KIAA1217: variants seen among roughly 807,000 people sequenced by gnomAD.
KIAA1217 encodes the protein sickle tail protein homolog.
Under a neutral mutation model 163.9 loss-of-function variants are expected in KIAA1217, and 88 were observed. The ratio of observed to expected loss-of-function variants is 0.54; its 90% CI spans 0.45 to 0.64. The LOEUF (loss-of-function observed/expected upper bound fraction) is 0.64, where lower values mean the gene tolerates loss of function less well. Among genes scored for constraint, KIAA1217 ranks in the 30% least tolerant of loss-of-function variants. The pLI is 0.00. For missense variants in KIAA1217, 2,372 were observed against 2,475.0 expected, an observed-to-expected ratio of 0.96 and a Z score of 0.88; for synonymous variants, 903 against 923.1, an observed-to-expected ratio of 0.98 and a Z score of 0.39.
chr10:24,150,774 TG>T (rs2064573614), intron 2 of KIAA1217, among the ~76,000 whole-genome samples: 1 of 152,176 alleles, frequency 6.6e-6, no homozygotes, highest in Non-Finnish European at 1.5e-5. Flanking sequence ...AGCTTCTGTG[TG>T]GCTTCCTTCT....
rs547255169 is a variant in KIAA1217, at chr10:23,734,295, T to G, written c.-321+39061T>G. Reference sequence around the variant, plus strand: ...AATTTAGATTTAAACCTTTTTTTTTTTTTTTAAATAAGACAGAGTCTCACT... The same window carrying G: ...AATTTAGATTTAAACCTTTTTTTTTGTTTTTAAATAAGACAGAGTCTCACT... On this transcript the variant is annotated intron_variant, in intron 1 of 18. Coordinates refer to the KIAA1217 transcript ENST00000376462. 4.3e-4 allele frequency among the ~76,000 whole-genome samples: 65 copies of G among 152,094 alleles called. 1 individual carries two copies. Among genetic ancestry groups the G allele is most frequent in the Non-Finnish European group, 4.4e-5 (3 of 67,988 alleles).
At chr10:24,266,830 G>A (rs1237999054) in intron 2 of KIAA1217, among the ~76,000 whole-genome samples, 9 of 152,150 alleles carry the variant, frequency 5.9e-5, no homozygotes, top group East Asian at 1.9e-4. Flanking sequence ...CAACCCGCTC[G>A]GTCCCCTTCC....
chr10:24,011,030 G>C (rs879677696), intron 2 of KIAA1217, among the ~76,000 whole-genome samples: 1 of 152,130 alleles, frequency 6.6e-6, no homozygotes, highest in Non-Finnish European at 1.5e-5. Context: ...ATAAACTTCA[G>C]TCTGCAGTTG....
intron 2 of KIAA1217, among the ~76,000 whole-genome samples, chr10:24,227,628 G>A (rs899981055): frequency 1.1e-4 from 17 of 151,552 alleles, no homozygotes; most frequent in Non-Finnish European, 2.2e-4. Context: ...TGCCTCCTGG[G>A]TTCAGGCCAT....
chr10:23,769,930 A>G (rs1027812217), intron 1 of KIAA1217, among the ~76,000 whole-genome samples: 3 of 152,216 alleles, frequency 2.0e-5, no homozygotes, highest in Non-Finnish European at 4.4e-5. Context: ...GCTTTGACAT[A>G]GGCAATCAGC....
At chr10:23,826,036 A>G (rs1837879776) in intron 1 of KIAA1217, among the ~76,000 whole-genome samples, 1 of 152,176 alleles carries the variant, frequency 6.6e-6, no homozygotes, top group East Asian at 1.9e-4. Flanking sequence ...GGTGGCCAGT[A>G]TGCTAGTATG....
intron 9 of KIAA1217, among the ~76,000 whole-genome samples, chr10:24,509,008 C>T (rs559112499): frequency 7.2e-5 from 11 of 152,252 alleles, no homozygotes; most frequent in South Asian, 4.1e-4. Flanking sequence ...ATTCATCGAA[C>T]GGTGCACTTA....
At chr10:24,246,130 G>A (rs1209049478) in intron 2 of KIAA1217, among the ~76,000 whole-genome samples, 1 of 152,122 alleles carries the variant, frequency 6.6e-6, no homozygotes, top group Non-Finnish European at 1.5e-5. Flanking sequence ...TAAGACTACT[G>A]AAGAAAGCAG....
intron 1 of KIAA1217, among the ~76,000 whole-genome samples, chr10:23,881,499 T>A (rs1185916584): frequency 6.6e-6 from 1 of 151,962 alleles, no homozygotes. Flanking sequence ...TGTCTCCGCC[T>A]ATTTTGTAAA....
chr10:23,798,940 G>T (rs139528633), intron 1 of KIAA1217, among the ~76,000 whole-genome samples: 2 of 152,298 alleles, frequency 1.3e-5, no homozygotes, highest in African/African-American at 4.8e-5. Flanking sequence ...AAAATATATT[G>T]TCTCACATTT....
intron 2 of KIAA1217, among the ~76,000 whole-genome samples, chr10:24,178,408 C>T (rs1172568990): frequency 6.6e-6 from 1 of 152,208 alleles, no homozygotes; most frequent in African/African-American, 2.4e-5. Flanking sequence ...ATCCATCTGG[C>T]TTAAACATGG....
rs189448394 is a variant in KIAA1217, at chr10:24,144,488, G to A, written c.-170-75138G>A. ...ATGGCTGATTGCAAAGACAAGAGGG[G>A]TAACTATTATTGACTTAATTTTGTG... On this transcript the variant is annotated intron_variant, in intron 2 of 18. Transcript: ENST00000376462. Among the ~76,000 whole-genome samples, 164 of 152,312 alleles carry A rather than the reference G, an allele frequency of 1.1e-3. 1 individual carries two copies. The highest frequency in any genetic ancestry group is 3.4e-3 in the Middle Eastern group (1 of 294).
chr10:23,949,302 T>C (rs538437127), intron 1 of KIAA1217, among the ~76,000 whole-genome samples: 1 of 152,320 alleles, frequency 6.6e-6, no homozygotes, highest in East Asian at 1.9e-4. Flanking sequence ...GGACAGTTGT[T>C]TTCTGGGAAA....
intron 2 of KIAA1217, among the ~76,000 whole-genome samples, chr10:24,185,158 C>T (rs575228305): frequency 1.3e-5 from 2 of 152,248 alleles, no homozygotes; most frequent in South Asian, 4.1e-4. Context: ...AGGGAACTCT[C>T]AGAATCACCA....
At chr10:24,224,480 C>T (rs1172547203) in intron 2 of KIAA1217, among the ~76,000 whole-genome samples, 1 of 151,992 alleles carries the variant, frequency 6.6e-6, no homozygotes, top group African/African-American at 2.4e-5. Context: ...GCTGGGATTA[C>T]AGGTGTGCAC....
chr10:23,730,419 A>G (rs529155156), intron 1 of KIAA1217, among the ~76,000 whole-genome samples: 20 of 152,296 alleles, frequency 1.3e-4, no homozygotes, highest in African/African-American at 4.6e-4. Context: ...TTACTGTAAC[A>G]TTCCAGTAAG....
chr10:23,821,836 A>G (rs1235640035), intron 1 of KIAA1217, among the ~76,000 whole-genome samples: 1 of 152,210 alleles, frequency 6.6e-6, no homozygotes, highest in East Asian at 1.9e-4. Context: ...TCAAAAAATT[A>G]GGAAGGGGCC....
At chr10:24,318,279 T>A (rs906079965) in intron 2 of KIAA1217, among the ~76,000 whole-genome samples, 1 of 151,984 alleles carries the variant, frequency 6.6e-6, no homozygotes, top group Non-Finnish European at 1.5e-5. Flanking sequence ...GATAGATAGA[T>A]AGACAGATAG....
At chr10:24,122,122 G>C (rs981296449) in intron 2 of KIAA1217, among the ~76,000 whole-genome samples, 6 of 152,236 alleles carry the variant, frequency 3.9e-5, no homozygotes, top group Admixed American at 3.9e-4. Flanking sequence ...TGTGAACATA[G>C]TACCCAATAG....
Sources: gnomAD v4.1 joint callset for allele counts (sites outside exome capture counted in the v4.1 genomes callset) on GRCh38, gnomAD v4.1.1 for gene constraint, MANE v1.5 for transcripts, NCBI Gene and HGNC (gene_info 2026-07-23, HGNC 2026-07-21) for gene names.